Variants in ERGIC1 observed in about 807,000 individuals in gnomAD.
The protein encoded by ERGIC1 is endoplasmic reticulum-Golgi intermediate compartment protein 1.
A neutral mutation model predicts 38.3 loss-of-function variants in ERGIC1; 19 were observed. That is an observed-to-expected ratio of 0.50 (90% confidence interval 0.35 to 0.73). ERGIC1 has a LOEUF of 0.73. Ranked by LOEUF, ERGIC1 falls within the 30% of genes least tolerant of loss-of-function variation. ERGIC1 has a pLI of 0.01. For synonymous variants in ERGIC1, 124 were observed against 157.6 expected, an observed-to-expected ratio of 0.79 and a Z score of 1.60; for missense variants, 294 against 389.2, an observed-to-expected ratio of 0.76 and a Z score of 2.06.
chr5:172,888,597 T>C (rs1762478747), intron 1 of ERGIC1, 102 bp from the exon 2 acceptor site: 6 of 923,372 alleles, frequency 6.5e-6, no homozygotes, highest in South Asian at 3.9e-5. Flanking sequence ...GGAAGAACCA[T>C]GGTTTGTTGA....
intron 4 of ERGIC1, among the ~76,000 whole-genome samples, chr5:172,912,752 A>ACTTTT (rs1305091485): frequency 1.6e-4 from 24 of 150,782 alleles, no homozygotes; most frequent in African/African-American, 5.6e-4. Flanking sequence ...GTGCTATTTT[A>ACTTTT]CTTTTCTTTT....
intron 1 of ERGIC1, among the ~76,000 whole-genome samples, chr5:172,853,550 G>A (rs1761465975): frequency 6.6e-6 from 1 of 152,132 alleles, no homozygotes; most frequent in Non-Finnish European, 1.5e-5. Flanking sequence ...TACAGAGTCA[G>A]TCTGCGCAAC....
intron 1 of ERGIC1, among the ~76,000 whole-genome samples, chr5:172,873,538 T>C (rs1302619389): frequency 2.0e-5 from 3 of 152,208 alleles, no homozygotes; most frequent in African/African-American, 7.2e-5. Context: ...CACGGCCTGC[T>C]GTCAGCATGG....
intron 9 of ERGIC1, among the ~76,000 whole-genome samples, chr5:172,939,744 C>T (rs986425139): frequency 6.6e-6 from 1 of 152,206 alleles, no homozygotes; most frequent in South Asian, 2.1e-4. Flanking sequence ...CCATGGTAAC[C>T]GTGGGGTCAG....
At chr5:172,855,629 C>A (rs1006604058) in intron 1 of ERGIC1, among the ~76,000 whole-genome samples, 2 of 152,212 alleles carry the variant, frequency 1.3e-5, no homozygotes, top group African/African-American at 2.4e-5. Context: ...AGGAGGTCCT[C>A]CCCACGATGT....
chr5:172,911,821 T>C (rs1763215589), intron 4 of ERGIC1, among the ~76,000 whole-genome samples: 1 of 152,090 alleles, frequency 6.6e-6, no homozygotes, highest in Non-Finnish European at 1.5e-5. Flanking sequence ...TCTTAAGACA[T>C]ACATTCAAAA....
chr5:172,865,884 A>G (rs1003422816), intron 1 of ERGIC1, among the ~76,000 whole-genome samples: 1 of 152,122 alleles, frequency 6.6e-6, no homozygotes, highest in Admixed American at 6.6e-5. Flanking sequence ...AATCATATAG[A>G]ATCACACCCA....
At chr5:172,880,486 C>T (rs1278961632) in intron 1 of ERGIC1, among the ~76,000 whole-genome samples, 1 of 151,878 alleles carries the variant, frequency 6.6e-6, no homozygotes, top group Non-Finnish European at 1.5e-5. Flanking sequence ...CCACCACACC[C>T]AACCAATTTT....
At chr5:172,883,069 A>T (rs1486994768) in intron 1 of ERGIC1, among the ~76,000 whole-genome samples, 1 of 152,140 alleles carries the variant, frequency 6.6e-6, no homozygotes, top group Non-Finnish European at 1.5e-5. Flanking sequence ...AGTAACTGGG[A>T]TTATAGGCAT....
chr5:172,913,437 A>G (rs1307614190), intron 4 of ERGIC1, among the ~76,000 whole-genome samples: 2 of 152,234 alleles, frequency 1.3e-5, no homozygotes, highest in Non-Finnish European at 2.9e-5. Flanking sequence ...ACTTCACATT[A>G]TACCATTGGC....
chr5:172,931,250 A>T (rs1399910070), intron 7 of ERGIC1: 1 of 152,116 alleles, frequency 6.6e-6, no homozygotes, highest in Non-Finnish European at 1.5e-5. Context: ...ACCTTTCCTG[A>T]GTGATATTTG....
intron 1 of ERGIC1, among the ~76,000 whole-genome samples, chr5:172,838,099 C>T (rs893815852): frequency 6.6e-6 from 1 of 152,204 alleles, no homozygotes; most frequent in East Asian, 1.9e-4. Flanking sequence ...CTTCCCCTCT[C>T]GGAGCCTCCA....
At chr5:172,893,922 T>TATATACACAC (rs1762643691) in intron 2 of ERGIC1, among the ~76,000 whole-genome samples, 1 of 88,136 alleles carries the variant, frequency 1.1e-5, no homozygotes, top group African/African-American at 4.3e-5. Flanking sequence ...TGTGTGTGTG[T>TATATACACAC]GTGTGTGTGT....
Position 172,869,322 on chromosome 5 carries a change from A to C in ERGIC1, c.21-19377A>C, listed in dbSNP as rs540937805. On this transcript the variant is annotated intron_variant, in intron 1 of 9. Transcript: ENST00000393784. ...GAATTGCAAAATTCAGCTTCAGTTG[A>C]ATGAGTGTCCTTTGGAAAAGTACAT... Among the ~76,000 whole-genome samples, 130 of 152,356 alleles carry C rather than the reference A, an allele frequency of 8.5e-4. 2 individuals are homozygous for C. The highest frequency in any genetic ancestry group is 3.1e-3 in the African/African-American group (128 of 41,574).
chr5:172,943,187 G>GAAGGT, intron 9 of ERGIC1, among the ~76,000 whole-genome samples: 1 of 152,296 alleles, frequency 6.6e-6, no homozygotes. Context: ...TGCCATCTCA[G>GAAGGT]ACCCAGCACA....
Position 172,867,190 on chromosome 5 carries a change from C to T in ERGIC1, c.21-21509C>T, listed in dbSNP as rs79051183. The T allele has an allele frequency of 5.3e-3, 2,417 of 455,990 alleles. 59 individuals are homozygous for T. The East Asian group carries it at 0.076, about 14-fold the overall frequency. 28.2% of individuals were successfully genotyped at this position (455,990 alleles called of 1,614,324 possible). On this transcript the variant is annotated intron_variant, in intron 1 of 9. Transcript: ENST00000393784. The stretch of plus-strand genomic sequence containing the variant: ...CAATGCCACCTTGGGTGACCTTTAT[C>T]GTGCTACCTGGAAAGTGGGGATGCT...
At chr5:172,906,084 A>G (rs959403678) in intron 3 of ERGIC1, 1 of 456,146 alleles carries the variant, frequency 2.2e-6, no homozygotes, top group African/African-American at 2.0e-5. Flanking sequence ...CCTGTCTGTC[A>G]TAACCTCCTG....
At chr5:172,844,464 C>T (rs544300859) in intron 1 of ERGIC1, among the ~76,000 whole-genome samples, 8 of 152,336 alleles carry the variant, frequency 5.3e-5, no homozygotes, top group East Asian at 3.9e-4. Context: ...TGAGGGCTGA[C>T]GATAGCCTAT....
chr5:172,865,713 T>C (rs1761841018), intron 1 of ERGIC1, among the ~76,000 whole-genome samples: 1 of 152,238 alleles, frequency 6.6e-6, no homozygotes, highest in Admixed American at 6.5e-5. Context: ...TGGAATCATA[T>C]GATCTGATCT....
Sources: allele counts gnomAD v4.1 joint callset (sites outside exome capture counted in the v4.1 genomes callset), GRCh38; gene constraint gnomAD v4.1.1; transcripts MANE v1.5; gene names NCBI Gene and HGNC (gene_info 2026-07-23, HGNC 2026-07-21).